Variants in DMD observed in about 807,000 individuals in gnomAD.
DMD encodes dystrophin.
DMD carries 63 observed loss-of-function variants against 330.1 expected under a neutral mutation model. That is an observed-to-expected ratio of 0.19 (90% confidence interval 0.16 to 0.24). DMD has a LOEUF of 0.24. Among genes scored for constraint, DMD ranks in the 10% least tolerant of loss-of-function variants. The pLI, the probability that DMD is intolerant of heterozygous loss-of-function variation, is 1.00. For missense variants in DMD, 3,344 were observed against 2,684.1 expected (o/e 1.25, Z -5.43); for synonymous variants, 1,223 against 959.8 (o/e 1.27, Z -5.07).
At chrX:32,256,884 T>G (rs2097301710) in intron 43 of DMD, among the ~76,000 whole-genome samples, 1 of 111,903 alleles carries the variant, frequency 8.9e-6, no homozygotes, top group Non-Finnish European at 1.9e-5. Context: ...AGTGATCCAC[T>G]GTTAGTCTGA....
rs1257269134 is a variant in DMD, at chrX:31,260,943, C to T, written c.9286+12G>A. The T allele has an allele frequency of 1.7e-6, 2 of 1,205,057 alleles. No homozygotes were observed. The highest frequency in any genetic ancestry group is 3.5e-5 in the African/African-American group (2 of 56,962). On this transcript the variant is annotated intron_variant, in intron 63 of 78. Transcript: ENST00000357033. ...GTCATTTAACTTGGAGGAAACATGG[C>T]CATGTCCTTACCTAAAGACTGGTAG...
intron 2 of DMD, among the ~76,000 whole-genome samples, chrX:32,866,251 A>G: frequency 1.8e-5 from 2 of 112,081 alleles, no homozygotes; most frequent in Non-Finnish European, 3.8e-5. Context: ...CCCCCAGCTA[A>G]CTAGAGACAC....
In DMD at chrX:32,999,817, C is replaced by A. The variant is rs778689021; in HGVS notation, c.93+20322G>T. ...ACAAAAACAAAAAACAAAAAAAAAACCGAAAAAACAAGAAATGTCTTCTGA... is the reference window on the plus strand; with the variant it reads ...ACAAAAACAAAAAACAAAAAAAAAAACGAAAAAACAAGAAATGTCTTCTGA... On this transcript the variant is annotated intron_variant, in intron 2 of 78. Coordinates refer to ENST00000357033, the MANE Select transcript of DMD (RefSeq NM_004006.3). Among the ~76,000 whole-genome samples the A allele has an allele frequency of 3.9e-3, 395 of 102,225 alleles. 1 individual carries two copies. Among genetic ancestry groups the A allele is most frequent in the African/African-American group, 7.9e-3 (233 of 29,633 alleles). The allele number at this position is 102,225 out of a possible 115,157, so 88.8% of individuals were successfully genotyped here.
At chrX:32,853,602 G>A (rs1277458599) in intron 2 of DMD, among the ~76,000 whole-genome samples, 1 of 109,928 alleles carries the variant, frequency 9.1e-6, no homozygotes, top group Non-Finnish European at 1.9e-5. Flanking sequence ...AATTTAAAAA[G>A]CAAGAAATAA....
chrX:32,925,431 G>A (rs1229632826), intron 2 of DMD, among the ~76,000 whole-genome samples: 1 of 110,659 alleles, frequency 9.0e-6, no homozygotes, highest in East Asian at 2.8e-4. Context: ...AGATCTGAAT[G>A]TTTGGGATGC....
intron 51 of DMD, among the ~76,000 whole-genome samples, chrX:31,760,302 T>C (rs1416337356): frequency 8.9e-6 from 1 of 112,264 alleles, no homozygotes; most frequent in Non-Finnish European, 1.9e-5. Flanking sequence ...CATAAAAAGC[T>C]ATACACATTT....
In DMD at chrX:33,088,353, A is replaced by T. The variant is rs148136530; in HGVS notation, c.32-68153T>A. On this transcript the variant is annotated intron_variant, in intron 1 of 78. Transcript: ENST00000357033. ...AGCCACTGCATCTGGCTTTGACTAA[A>T]TATATTTTAATTGAGTTAATATGGG... Among the ~76,000 whole-genome samples the T allele has an allele frequency of 9.4e-3, 1,053 of 111,892 alleles. 27 individuals are homozygous for T. The highest frequency in any genetic ancestry group is 0.062 in the Admixed American group (647 of 10,433).
At chrX:31,633,534 C>T in intron 54 of DMD, among the ~76,000 whole-genome samples, 1 of 111,681 alleles carries the variant, frequency 9.0e-6, no homozygotes, top group Non-Finnish European at 1.9e-5. Context: ...TCAAGTTTAA[C>T]AGAGGGTACA....
At chrX:31,396,289 A>C (rs61578066) in intron 60 of DMD, among the ~76,000 whole-genome samples, 8,079 of 109,298 alleles carry the variant, frequency 0.074, 731 homozygotes, top group African/African-American at 0.25. Context: ...AGGCGCCCGC[A>C]ACCACGCCCG....
At chrX:32,887,283 C>T (rs1014551004) in intron 2 of DMD, among the ~76,000 whole-genome samples, 14 of 108,907 alleles carry the variant, frequency 1.3e-4, no homozygotes, top group African/African-American at 4.4e-4. Flanking sequence ...GGAGGCGGAG[C>T]TTGCAGTGAG....
intron 11 of DMD, among the ~76,000 whole-genome samples, chrX:32,625,981 G>A (rs1303570461): frequency 1.8e-5 from 2 of 112,252 alleles, no homozygotes; most frequent in Non-Finnish European, 3.8e-5. Context: ...ATGTTCAATT[G>A]ACATGTCTTA....
intron 9 of DMD, among the ~76,000 whole-genome samples, chrX:32,656,164 G>T (rs1446809316): frequency 9.0e-6 from 1 of 111,695 alleles, no homozygotes; most frequent in Non-Finnish European, 1.9e-5. Context: ...CCAAGTATTG[G>T]CCAGTTGGAT....
intron 1 of DMD, among the ~76,000 whole-genome samples, chrX:33,300,902 A>G (rs928973037): frequency 3.6e-5 from 4 of 111,959 alleles, no homozygotes; most frequent in African/African-American, 1.3e-4. Context: ...CATAATAGCC[A>G]TGTAACAGAC....
At chrX:31,755,829 T>G (rs2089025917) in intron 51 of DMD, among the ~76,000 whole-genome samples, 1 of 112,085 alleles carries the variant, frequency 8.9e-6, no homozygotes, top group Admixed American at 9.5e-5. Context: ...ACTATTACTA[T>G]CATATGAATA....
intron 55 of DMD, among the ~76,000 whole-genome samples, chrX:31,511,603 A>G (rs1489476641): frequency 1.9e-5 from 2 of 105,961 alleles, no homozygotes; most frequent in Non-Finnish European, 3.9e-5. Flanking sequence ...TGTTCTTGTG[A>G]TAGTTTACTG....
chrX:32,500,136 AC>A (rs1200310297), intron 19 of DMD, among the ~76,000 whole-genome samples: 1 of 110,178 alleles, frequency 9.1e-6, no homozygotes. Flanking sequence ...TCACACCCCT[AC>A]CCCCCAGTGT....
intron 1 of DMD, among the ~76,000 whole-genome samples, chrX:33,225,186 G>A (rs2052263343): frequency 9.0e-6 from 1 of 111,624 alleles, no homozygotes; most frequent in Non-Finnish European, 1.9e-5. Flanking sequence ...GAATTTAGGT[G>A]TAGGAAAAAT....
At chrX:32,412,426 C>T (rs2098146750) in intron 29 of DMD, among the ~76,000 whole-genome samples, 1 of 112,186 alleles carries the variant, frequency 8.9e-6, no homozygotes, top group South Asian at 3.7e-4. Context: ...ATTTTGAATA[C>T]TATTTCAACC....
chrX:32,738,626 T>G (rs1426626494), intron 7 of DMD, among the ~76,000 whole-genome samples: 1 of 111,839 alleles, frequency 8.9e-6, no homozygotes, highest in Non-Finnish European at 1.9e-5. Flanking sequence ...TAATGTAGAT[T>G]TTAAAGTTAA....
Sources: gnomAD v4.1 joint callset for allele counts (sites outside exome capture counted in the v4.1 genomes callset) on GRCh38, gnomAD v4.1.1 for gene constraint, MANE v1.5 for transcripts, NCBI Gene and HGNC (gene_info 2026-07-23, HGNC 2026-07-21) for gene names.